The following SIPA1L3 variants were observed in gnomAD, a reference collection of about 807,000 sequenced individuals.
SIPA1L3 encodes signal-induced proliferation-associated 1-like protein 3.
Under a neutral mutation model 150.1 loss-of-function variants are expected in SIPA1L3, and 59 were observed. That is an observed-to-expected ratio of 0.39 (90% confidence interval 0.32 to 0.49). The LOEUF (loss-of-function observed/expected upper bound fraction) is 0.49, where lower values mean the gene tolerates loss of function less well. SIPA1L3 is among the 20% of genes least tolerant of loss of function. SIPA1L3 has a pLI of 0.86. For synonymous variants in SIPA1L3, 1,070 were observed against 1,077.6 expected (o/e 0.99, Z 0.14); for missense variants, 2,211 against 2,489.5 (o/e 0.89, Z 2.38).
At chr19:38,191,523 A>G (rs539175685) in intron 16 of SIPA1L3, among the ~76,000 whole-genome samples, 1 of 152,048 alleles carries the variant, frequency 6.6e-6, no homozygotes, top group East Asian at 1.9e-4. Context: ...ACAATAGGCA[A>G]AGACACAGGT....
At chr19:38,049,061 G>A (rs1461706038) in intron 2 of SIPA1L3, among the ~76,000 whole-genome samples, 3 of 149,440 alleles carry the variant, frequency 2.0e-5, no homozygotes, top group African/African-American at 7.4e-5. Context: ...CAGCCTGGGC[G>A]ACAGGGCGAG....
intron 2 of SIPA1L3, among the ~76,000 whole-genome samples, chr19:38,029,361 C>T (rs528965645): frequency 6.6e-6 from 1 of 152,254 alleles, no homozygotes; most frequent in South Asian, 2.1e-4. Flanking sequence ...TTCCCATACA[C>T]AAACATTCCT....
intron 18 of SIPA1L3, among the ~76,000 whole-genome samples, chr19:38,195,023 C>T (rs1442598095): frequency 6.6e-6 from 1 of 152,010 alleles, no homozygotes; most frequent in African/African-American, 2.4e-5. Context: ...TGCACTCCAG[C>T]CTGGGTGACA....
At chr19:38,148,153 C>A (rs1378206661) in intron 12 of SIPA1L3, among the ~76,000 whole-genome samples, 2 of 151,784 alleles carry the variant, frequency 1.3e-5, no homozygotes, top group Admixed American at 1.3e-4. Context: ...GAGTTCGAGA[C>A]CAGCCTGGCC....
chr19:37,960,461 T>C (rs1191393323), intron 1 of SIPA1L3, among the ~76,000 whole-genome samples: 6 of 151,554 alleles, frequency 4.0e-5, no homozygotes. Flanking sequence ...TGGAGTGCAG[T>C]GGCATGATCT....
chr19:37,983,906 A>G lies in SIPA1L3; in HGVS notation c.-378-45183A>G, dbSNP rs890637091. ...GGGTGACTGAGCGAGACCCCATCTCAAAAAAAAAAAAAAAAAAAAAGATTG... is the reference window on the plus strand; with the variant it reads ...GGGTGACTGAGCGAGACCCCATCTCGAAAAAAAAAAAAAAAAAAAAGATTG... On this transcript the variant is annotated intron_variant, in intron 1 of 21. Transcript: ENST00000222345. Among the ~76,000 whole-genome samples, 365 of 75,380 alleles carry G rather than the reference A, an allele frequency of 4.8e-3. 1 individual carries two copies. Among genetic ancestry groups the G allele is most frequent in the African/African-American group, 0.019 (350 of 18,610 alleles). The allele number at this position is 75,380 out of a possible 152,430, so 49.5% of individuals were successfully genotyped here. A position where few individuals can be genotyped will look rare whatever the true frequency, so the allele number is the denominator to read the frequency against.
chr19:38,203,679 C>G (rs76624663), intron 20 of SIPA1L3: 3,186 of 157,674 alleles, frequency 0.02, 108 homozygotes, highest in African/African-American at 0.071. Context: ...GTCAGCATCA[C>G]TGCCAGGACC....
rs7256429 is a variant in SIPA1L3 at position 38,031,976 on chromosome 19, T to C, written c.-311+2820T>C. ...TTAAAACAAAACAAAAATGCTACCT[T>C]TGGGGAGAAACTTTGAGGCTATGCT... On this transcript the variant is annotated intron_variant, in intron 2 of 21. Coordinates refer to ENST00000222345, the MANE Select transcript of SIPA1L3 (RefSeq NM_015073.3). Among the ~76,000 whole-genome samples, 769 of 152,156 alleles carry C rather than the reference T, an allele frequency of 5.1e-3. 2 individuals carry two copies. The highest frequency in any genetic ancestry group is 8.7e-3 in the Non-Finnish European group (593 of 67,992).
intron 1 of SIPA1L3, among the ~76,000 whole-genome samples, chr19:38,019,000 T>A (rs908015643): frequency 1.3e-5 from 2 of 152,218 alleles, no homozygotes; most frequent in Non-Finnish European, 2.9e-5. Context: ...TCTAGCTTTC[T>A]CCCTGGTGTT....
chr19:38,201,275 C>T (rs548068136), intron 19 of SIPA1L3, among the ~76,000 whole-genome samples: 1 of 152,374 alleles, frequency 6.6e-6, no homozygotes, highest in Non-Finnish European at 1.5e-5. Context: ...ACGCAAACAG[C>T]TCAGGTGCCC....
chr19:38,176,308 C>T (rs760309712), intron 15 of SIPA1L3, among the ~76,000 whole-genome samples: 3 of 152,032 alleles, frequency 2.0e-5, no homozygotes, highest in Non-Finnish European at 1.5e-5. Flanking sequence ...CCACTGCACC[C>T]GGCTGGCCAC....
At chr19:37,927,993 A>C (rs1356137351) in intron 1 of SIPA1L3, among the ~76,000 whole-genome samples, 2 of 152,146 alleles carry the variant, frequency 1.3e-5, no homozygotes, top group African/African-American at 4.8e-5. Flanking sequence ...GTTGATTCAC[A>C]TGCTATCGTG....
chr19:37,910,498 C>T (rs1308394462), intron 1 of SIPA1L3, among the ~76,000 whole-genome samples: 1 of 148,912 alleles, frequency 6.7e-6, no homozygotes, highest in East Asian at 2.0e-4. Flanking sequence ...CATTGCACTC[C>T]AGCCTGTGTG....
At chr19:38,133,359 T>C (rs1451991835) in intron 10 of SIPA1L3, among the ~76,000 whole-genome samples, 1 of 152,236 alleles carries the variant, frequency 6.6e-6, no homozygotes, top group Non-Finnish European at 1.5e-5. Flanking sequence ...TCCTTCTTCA[T>C]ATATTGGCTG....
chr19:38,103,047 C>T (rs1343061866), intron 6 of SIPA1L3, among the ~76,000 whole-genome samples: 2 of 151,124 alleles, frequency 1.3e-5, no homozygotes, highest in African/African-American at 2.4e-5. Context: ...CGCTTGAACC[C>T]GGGAGGCAGA....
At chr19:38,095,419 A>C (rs1202867786) in intron 4 of SIPA1L3, among the ~76,000 whole-genome samples, 2 of 152,302 alleles carry the variant, frequency 1.3e-5, no homozygotes, top group Admixed American at 1.3e-4. Context: ...TGAAGGGTAC[A>C]CCTGCCGCCC....
intron 13 of SIPA1L3, among the ~76,000 whole-genome samples, chr19:38,157,742 T>C (rs1394538905): frequency 6.6e-6 from 1 of 152,128 alleles, no homozygotes; most frequent in Non-Finnish European, 1.5e-5. Flanking sequence ...GGCAGGAGAA[T>C]GCAGGGGCAG....
intron 7 of SIPA1L3, among the ~76,000 whole-genome samples, chr19:38,107,669 A>C (rs1725455): frequency 0.072 from 11,035 of 152,222 alleles, 1,198 homozygotes; most frequent in African/African-American, 0.22. Context: ...TCATCTAAAA[A>C]CATGCTATTA....
At chr19:38,007,149 C>T (rs1173484917) in intron 1 of SIPA1L3, among the ~76,000 whole-genome samples, 1 of 152,050 alleles carries the variant, frequency 6.6e-6, no homozygotes, top group African/African-American at 2.4e-5. Flanking sequence ...GAAACCCTGT[C>T]TCTACTAAAA....
Sources: gnomAD v4.1 joint callset for allele counts (sites outside exome capture counted in the v4.1 genomes callset) on GRCh38, gnomAD v4.1.1 for gene constraint, MANE v1.5 for transcripts, NCBI Gene and HGNC (gene_info 2026-07-23, HGNC 2026-07-21) for gene names.